TBCE: variants seen among roughly 807,000 people sequenced by gnomAD.
The protein encoded by TBCE is tubulin folding cofactor E, also known as tubulin-specific chaperone E.
Under a neutral mutation model 77.0 loss-of-function variants are expected in TBCE, and 53 were observed. The ratio of observed to expected loss-of-function variants is 0.69; its 90% CI spans 0.55 to 0.87. TBCE has a LOEUF of 0.87. Ranked by LOEUF, TBCE falls within the 40% of genes least tolerant of loss-of-function variation. The pLI is 0.00. For synonymous variants in TBCE, 235 were observed against 241.3 expected, an observed-to-expected ratio of 0.97 and a Z score of 0.24; for missense variants, 624 against 622.4, an observed-to-expected ratio of 1.00 and a Z score of -0.03.
At chr1:235,400,535 G>A (rs1005005736) in intron 2 of TBCE, among the ~76,000 whole-genome samples, 21 of 150,422 alleles carry the variant, frequency 1.4e-4, no homozygotes, top group Admixed American at 4.7e-4. Context: ...GGAGTAGCTG[G>A]GGCTATAGGC....
At chr1:235,391,374 A>G (rs559745188) in intron 2 of TBCE, among the ~76,000 whole-genome samples, 5 of 151,618 alleles carry the variant, frequency 3.3e-5, no homozygotes, top group Admixed American at 1.3e-4. Context: ...AATCCCAGCT[A>G]CTTGTGAGGC....
chr1:235,415,949 C>T (rs961009296), intron 4 of TBCE: 1 of 152,104 alleles, frequency 6.6e-6, no homozygotes, highest in South Asian at 2.1e-4. Context: ...AGTTGGATCA[C>T]TTAAGGCCAG....
At chr1:235,371,815 G>A (rs1211518081) in intron 1 of TBCE, among the ~76,000 whole-genome samples, 7 of 152,132 alleles carry the variant, frequency 4.6e-5, no homozygotes, top group Non-Finnish European at 8.8e-5. Context: ...TGGGATTACA[G>A]GGACCCGCCA....
intron 5 of TBCE, among the ~76,000 whole-genome samples, chr1:235,422,630 G>A (rs1025863955): frequency 6.6e-6 from 1 of 152,130 alleles, no homozygotes; most frequent in Non-Finnish European, 1.5e-5. Context: ...AGGAGTTCGA[G>A]ACCAGCCTGG....
intron 15 of TBCE, among the ~76,000 whole-genome samples, chr1:235,444,407 A>G (rs1682104173): frequency 6.6e-6 from 1 of 152,030 alleles, no homozygotes; most frequent in Non-Finnish European, 1.5e-5. Flanking sequence ...TATTTTTGAT[A>G]TATTTTTTTC....
chr1:235,440,216 C>A (rs1456853981), intron 13 of TBCE, among the ~76,000 whole-genome samples: 1 of 152,168 alleles, frequency 6.6e-6, no homozygotes, highest in Admixed American at 6.5e-5. Context: ...GTGATCCACC[C>A]ACCTTGGCCT....
chr1:235,431,094 G>A (rs569243926), intron 7 of TBCE, among the ~76,000 whole-genome samples: 12 of 152,230 alleles, frequency 7.9e-5, no homozygotes, highest in African/African-American at 2.6e-4. Context: ...AGTATGTGCT[G>A]AGCTTCAAAA....
At chr1:235,434,619 C>T (rs1289078842) in intron 8 of TBCE, among the ~76,000 whole-genome samples, 2 of 150,330 alleles carry the variant, frequency 1.3e-5, no homozygotes, top group Non-Finnish European at 2.9e-5. Flanking sequence ...TCACTGTAAC[C>T]TCCGCCTCCT....
chr1:235,398,297 C>T (rs1411141880), intron 2 of TBCE, among the ~76,000 whole-genome samples: 1 of 151,916 alleles, frequency 6.6e-6, no homozygotes, highest in Non-Finnish European at 1.5e-5. Flanking sequence ...AGGCACCCGC[C>T]ACCACGCCCG....
rs532050777 is a variant in TBCE, at chr1:235,404,853, G to A, written c.185+3266G>A. On this transcript the variant is annotated intron_variant, in intron 3 of 16. Coordinates refer to ENST00000642610, the MANE Select transcript of TBCE (RefSeq NM_003193.5). ...ATTTTTGTATTTTTAGTAGAGATGG[G>A]ATTTCACCATGTTGGCCAGGCTGGT... Among the ~76,000 whole-genome samples, 598 of 151,694 alleles carry A rather than the reference G, an allele frequency of 3.9e-3. 4 individuals carry two copies. The highest frequency in any genetic ancestry group is 0.014 in the African/African-American group (570 of 41,348).
Position 235,449,933 on chromosome 1 carries a change from G to C in TBCE, c.*1171G>C, listed in dbSNP as rs538210617. 3.3e-6 allele frequency: 1 copy of C among 305,248 alleles called. No individual in the cohort carries two copies. Among genetic ancestry groups the C allele is most frequent in the Non-Finnish European group, 6.2e-6 (1 of 162,430 alleles). The allele number at this position is 305,248 out of a possible 1,614,324, so 18.9% of individuals were successfully genotyped here. A position where few individuals can be genotyped will look rare whatever the true frequency, so the allele number is the denominator to read the frequency against. On this transcript the variant is annotated 3_prime_UTR_variant, in exon 17 of 17. Coordinates refer to ENST00000642610, the MANE Select transcript of TBCE (RefSeq NM_003193.5). ...ATTAGCCACAATGCATCAGGATTTA[G>C]AAATATTTTTTCTTTTATAAAATAA...
intron 12 of TBCE, among the ~76,000 whole-genome samples, chr1:235,437,824 TA>T (rs746812435): frequency 6.4e-3 from 880 of 137,138 alleles, no homozygotes; most frequent in Middle Eastern, 7.1e-3. Context: ...TGTCTTAATT[TA>T]AAAAAAAAAA....
At chr1:235,414,383 CT>C (rs1224488903) in intron 3 of TBCE, 49 bp from the exon 4 acceptor site, 2 of 1,592,194 alleles carry the variant, frequency 1.3e-6, no homozygotes, top group African/African-American at 2.7e-5. Flanking sequence ...TATTTATGGC[CT>C]TTCTTGGTGG....
intron 4 of TBCE, 121 bp downstream of exon 4, chr1:235,414,739 C>T: frequency 1.1e-6 from 1 of 941,358 alleles, no homozygotes; most frequent in Non-Finnish European, 1.7e-6. Flanking sequence ...TATGGTTCCA[C>T]AGAAACGGAA....
intron 7 of TBCE, chr1:235,433,252 G>C: frequency 8.8e-7 from 1 of 1,130,790 alleles, no homozygotes; most frequent in Non-Finnish European, 1.1e-6. Flanking sequence ...ATGGAGTCTT[G>C]CTCTGTTGCC....
At position 235,438,937 on chromosome 1, in the gene TBCE, A is replaced by T. The variant is rs1681643561; in HGVS notation, c.1270+15A>T. On this transcript the variant is annotated intron_variant, in intron 13 of 16. Transcript: ENST00000642610. ...CCTCTGCCTGAGTACGTGCGTATAC[A>T]CTGGTGGCCTTCAGGTGGTGGATTT... is the stretch of plus-strand genomic sequence containing the variant. 1.2e-6 allele frequency: 2 copies of T among 1,614,064 alleles called. No individual in the cohort carries two copies. The highest frequency in any genetic ancestry group is 2.2e-5 in the East Asian group (1 of 44,864).
Position 235,380,162 on chromosome 1 carries a change from TG to T in TBCE, c.100+14del, listed in dbSNP as rs754540089. 103 of 10,692 alleles carry T rather than the reference TG, an allele frequency of 9.6e-3. No individual in the cohort carries two copies. The highest frequency in any genetic ancestry group is 0.082 in the African/African-American group (11 of 134). 0.7% of individuals were successfully genotyped at this position (10,692 alleles called of 1,614,324 possible). Reference sequence around the variant, plus strand: ...CCTCCCGTGGCAGGTAAGCAATTATTGTGTGTGTGTGTGTGTGTGTGTGTGT... The same window carrying T: ...CCTCCCGTGGCAGGTAAGCAATTATTTGTGTGTGTGTGTGTGTGTGTGTGT... On this transcript the variant is annotated intron_variant, in intron 2 of 16. Transcript: ENST00000642610.
At chr1:235,423,169 T>C (rs1680497082) in intron 5 of TBCE, among the ~76,000 whole-genome samples, 4 of 152,124 alleles carry the variant, frequency 2.6e-5, no homozygotes, top group Admixed American at 2.6e-4. Context: ...GTGGGAGAGC[T>C]GCAGACCCGG....
intron 2 of TBCE, among the ~76,000 whole-genome samples, chr1:235,393,750 G>A (rs1044753659): frequency 2.0e-5 from 3 of 152,210 alleles, no homozygotes; most frequent in South Asian, 4.1e-4. Flanking sequence ...ACACCTTTCA[G>A]AAGAATCATG....
Sources: gnomAD v4.1 joint callset for allele counts (sites outside exome capture counted in the v4.1 genomes callset) on GRCh38, gnomAD v4.1.1 for gene constraint, MANE v1.5 for transcripts, NCBI Gene and HGNC (gene_info 2026-07-23, HGNC 2026-07-21) for gene names.